Variants in CYP2C19 observed in about 807,000 individuals in gnomAD.
The protein encoded by CYP2C19 is cytochrome P450 2C19.
In CYP2C19, 59 loss-of-function variants were observed where a neutral mutation model predicts 40.9. That is an observed-to-expected ratio of 1.44 (90% CI 1.17 to 1.79). The LOEUF (loss-of-function observed/expected upper bound fraction) is 1.79. Among genes scored for constraint, CYP2C19 ranks in the 40% most tolerant of loss-of-function variants. The pLI, the probability that CYP2C19 is intolerant of heterozygous loss-of-function variation, is 0.00. For synonymous variants in CYP2C19, 253 were observed against 208.7 expected, an observed-to-expected ratio of 1.21 and a Z score of -1.83; for missense variants, 754 against 596.9, an observed-to-expected ratio of 1.26 and a Z score of -2.74.
Position 94,849,928 on chromosome 10 carries a change from A to T in CYP2C19, c.1161A>T (p.Ile387=), listed in dbSNP as rs910041356. 9 of 1,613,660 alleles carry T rather than the reference A, an allele frequency of 5.6e-6. No individual in the cohort carries two copies. The highest frequency in any genetic ancestry group is 7.6e-6 in the Non-Finnish European group (9 of 1,179,710). Residue 387 remains isoleucine, a synonymous_variant, in exon 8 of 9, where the codon ATA becomes ATT. Transcript: ENST00000371321. ...TCTCTTGTTTCTAGGGCACAACCAT[A>T]TTAACTTCCCTCACTTCTGTGCTAC... is the stretch of plus-strand genomic sequence containing the variant. ...RNYLIPKGTT[I]LTSLTSVLHD... is the part of the protein sequence containing the mutation.
At chr10:94,798,206 G>C (rs1052148045) in intron 5 of CYP2C19, among the ~76,000 whole-genome samples, 4 of 152,048 alleles carry the variant, frequency 2.6e-5, no homozygotes, top group African/African-American at 9.7e-5. Flanking sequence ...GTTCTCATTG[G>C]TTTCAAAGAA....
chr10:94,798,438 G>A (rs542413950), intron 5 of CYP2C19, among the ~76,000 whole-genome samples: 11 of 152,226 alleles, frequency 7.2e-5, no homozygotes, highest in East Asian at 5.8e-4. Flanking sequence ...GAATAAGCAC[G>A]ATGTGGTGCT....
In CYP2C19 at chr10:94,820,896, C is replaced by G. The variant is rs17882345; in HGVS notation, c.961+259C>G. Among the ~76,000 whole-genome samples, 184 of 152,210 alleles carry G rather than the reference C, an allele frequency of 1.2e-3. 1 individual carries two copies. The South Asian group carries it at 0.037, about 31-fold the overall frequency. ...GCTAGGAGTTCAAGACCAGCCTGGC[C>G]AATATGGCCAAGCCCCATCTCTACT... On this transcript the variant is annotated intron_variant, in intron 6 of 8. Coordinates refer to ENST00000371321, the MANE Select transcript of CYP2C19 (RefSeq NM_000769.4).
chr10:94,791,019 C>T (rs902995233), intron 5 of CYP2C19, among the ~76,000 whole-genome samples: 2 of 152,046 alleles, frequency 1.3e-5, no homozygotes, highest in East Asian at 3.9e-4. Flanking sequence ...GGTTGGTATG[C>T]TATTAATTAT....
chr10:94,821,255 A>C (rs2094907009), intron 6 of CYP2C19, among the ~76,000 whole-genome samples: 1 of 152,216 alleles, frequency 6.6e-6, no homozygotes, highest in African/African-American at 2.4e-5. Flanking sequence ...AGACAACATA[A>C]GTTGGCCTGG....
intron 1 of CYP2C19, among the ~76,000 whole-genome samples, chr10:94,772,012 T>C (rs892315824): frequency 1.3e-5 from 2 of 152,114 alleles, no homozygotes; most frequent in African/African-American, 2.4e-5. Context: ...ACCAATGCAT[T>C]CTCAAAAACC....
At chr10:94,787,629 G>A (rs886992303) in intron 5 of CYP2C19, among the ~76,000 whole-genome samples, 2 of 152,100 alleles carry the variant, frequency 1.3e-5, no homozygotes, top group African/African-American at 2.4e-5. Context: ...TTAGTTTGAT[G>A]TTTTAAACTT....
At chr10:94,802,597 T>C (rs1349526999) in intron 5 of CYP2C19, among the ~76,000 whole-genome samples, 1 of 152,124 alleles carries the variant, frequency 6.6e-6, no homozygotes, top group Non-Finnish European at 1.5e-5. Flanking sequence ...AAGGTTAATA[T>C]TGTTATGTGT....
intron 1 of CYP2C19, among the ~76,000 whole-genome samples, chr10:94,772,508 A>G (rs537264294): frequency 1.3e-5 from 2 of 152,312 alleles, no homozygotes; most frequent in South Asian, 4.1e-4. Flanking sequence ...GGCAAGGGTC[A>G]GGATAGCTAG....
Position 94,762,753 on chromosome 10 carries a change from C to T in CYP2C19, c.48C>T (p.Leu16=), listed in dbSNP as rs267602631. 6.2e-7 allele frequency: 1 copy of T among 1,613,962 alleles called. No homozygotes were observed. The change falls in exon 1 of 9, where the codon CTC becomes CTT. Residue 16 remains leucine (L), a synonymous_variant. Coordinates refer to ENST00000371321, the MANE Select transcript of CYP2C19 (RefSeq NM_000769.4). ...TGCTCTGTCTCTCATGTTTGCTTCT[C>T]CTTTCAATCTGGAGACAGAGCTCTG... ...VLVLCLSCLL[L]LSIWRQSSGR... is the part of the protein sequence containing the mutation.
intron 6 of CYP2C19, among the ~76,000 whole-genome samples, chr10:94,839,881 G>T (rs925852431): frequency 3.3e-5 from 5 of 152,188 alleles, no homozygotes; most frequent in African/African-American, 1.2e-4. Flanking sequence ...TAGGGAATCT[G>T]CTGGGTTAAG....
Position 94,852,749 on chromosome 10 carries a change from G to T in CYP2C19, c.1308G>T (p.Val436=). 1 of 1,613,982 alleles carries T rather than the reference G, an allele frequency of 6.2e-7. No individual in the cohort carries two copies. The highest frequency in any genetic ancestry group is 8.5e-7 in the Non-Finnish European group (1 of 1,179,930). The change falls in exon 9 of 9, where the codon GTG becomes GTT. Residue 436 remains valine, a synonymous_variant. Coordinates refer to ENST00000371321, the MANE Select transcript of CYP2C19 (RefSeq NM_000769.4). ...MPFSAGKRIC[V]GEGLARMELF... ...TATTTTCAGGAAAACGGATTTGTGT[G>T]GGAGAGGGCCTGGCCCGCATGGAGC...
At chr10:94,763,445 G>A (rs1010672131) in intron 1 of CYP2C19, among the ~76,000 whole-genome samples, 1 of 152,074 alleles carries the variant, frequency 6.6e-6, no homozygotes, top group African/African-American at 2.4e-5. Flanking sequence ...AATGACCTTA[G>A]GGTTTAGTAA....
chr10:94,819,197 C>T (rs1171284036), intron 5 of CYP2C19, among the ~76,000 whole-genome samples: 1 of 139,920 alleles, frequency 7.1e-6, no homozygotes, highest in Non-Finnish European at 1.5e-5. Flanking sequence ...CCAACGAGAA[C>T]AAAGACACAA....
intron 6 of CYP2C19, among the ~76,000 whole-genome samples, chr10:94,828,562 C>T (rs913311971): frequency 2.0e-5 from 3 of 148,940 alleles, no homozygotes; most frequent in African/African-American, 5.0e-5. Context: ...TGTGTCTCTG[C>T]ACGTGAGATG....
At chr10:94,794,974 TG>T (rs1006124194) in intron 5 of CYP2C19, among the ~76,000 whole-genome samples, 4 of 151,994 alleles carry the variant, frequency 2.6e-5, no homozygotes, top group African/African-American at 9.7e-5. Context: ...AGGGCATCCT[TG>T]TCTTGTGCCA....
intron 7 of CYP2C19, among the ~76,000 whole-genome samples, chr10:94,844,309 A>G (rs1447928413): frequency 1.3e-5 from 2 of 152,216 alleles, no homozygotes; most frequent in African/African-American, 2.4e-5. Flanking sequence ...TTCCTCTCCC[A>G]TCGGCAGTCA....
chr10:94,803,261 C>T (rs533999998), intron 5 of CYP2C19, among the ~76,000 whole-genome samples: 1 of 152,092 alleles, frequency 6.6e-6, no homozygotes, highest in South Asian at 2.1e-4. Context: ...TCCTTTTTCC[C>T]TCTCCCTTCC....
chr10:94,792,955 A>G (rs535413864), intron 5 of CYP2C19, among the ~76,000 whole-genome samples: 1 of 152,266 alleles, frequency 6.6e-6, no homozygotes, highest in African/African-American at 2.4e-5. Flanking sequence ...GTGTTTTCCA[A>G]CTTGGTTCCA....
Sources: gnomAD v4.1 joint callset for allele counts (sites outside exome capture counted in the v4.1 genomes callset) on GRCh38, gnomAD v4.1.1 for gene constraint, MANE v1.5 for transcripts, NCBI Gene and HGNC (gene_info 2026-07-23, HGNC 2026-07-21) for gene names.